The following ARFGEF3 variants were observed in gnomAD, a reference collection of about 807,000 sequenced individuals.
The protein encoded by ARFGEF3 is brefeldin A-inhibited guanine nucleotide-exchange protein 3.
In ARFGEF3, 96 loss-of-function variants were observed where a neutral mutation model predicts 221.7. That is an observed-to-expected ratio of 0.43 (90% CI 0.37 to 0.51). ARFGEF3 has a LOEUF of 0.51. ARFGEF3 is among the 20% of genes least tolerant of loss of function. ARFGEF3 has a pLI of 0.00. For missense variants in ARFGEF3, 2,410 were observed against 2,789.9 expected, an observed-to-expected ratio of 0.86 and a Z score of 3.07; for synonymous variants, 1,145 against 1,126.8, an observed-to-expected ratio of 1.02 and a Z score of -0.32.
intron 2 of ARFGEF3, among the ~76,000 whole-genome samples, chr6:138,191,772 T>C (rs188615731): frequency 6.6e-6 from 1 of 152,336 alleles, no homozygotes; most frequent in Non-Finnish European, 1.5e-5. Context: ...TCAGGTAGTC[T>C]TCTCTACTTC....
intron 4 of ARFGEF3, among the ~76,000 whole-genome samples, chr6:138,224,742 G>T (rs982306049): frequency 6.6e-6 from 1 of 152,178 alleles, no homozygotes; most frequent in Non-Finnish European, 1.5e-5. Context: ...CCAATGGTGT[G>T]TGTGTGTGCG....
chr6:138,278,556 A>G lies in ARFGEF3; in HGVS notation c.2234A>G (p.Asn745Ser), dbSNP rs1255083859. ...GCTGCACACTGCGCCCTGCTCCTCAACCTGAAGCTCTCCCACGGTGACTAC... is the reference window on the plus strand; with the variant it reads ...GCTGCACACTGCGCCCTGCTCCTCAGCCTGAAGCTCTCCCACGGTGACTAC... The part of the protein sequence containing the change: ...YTAAHCALLL[N>S]LKLSHGDYYR... The change falls in exon 13 of 34, where the codon AAC becomes AGC. Residue 745 changes from asparagine to serine, a missense_variant. Asn to Ser is a conservative substitution (Grantham distance 46). Coordinates refer to ENST00000251691, the MANE Select transcript of ARFGEF3 (RefSeq NM_020340.5). 15 of 1,613,818 alleles carry G rather than the reference A, an allele frequency of 9.3e-6. No homozygotes were observed. Among genetic ancestry groups the G allele is most frequent in the Non-Finnish European group, 1.3e-5 (15 of 1,179,860 alleles).
chr6:138,303,737 C>T (rs1164544706), intron 22 of ARFGEF3, among the ~76,000 whole-genome samples: 2 of 151,620 alleles, frequency 1.3e-5, no homozygotes, highest in Non-Finnish European at 2.9e-5. Context: ...AGGACTAGAC[C>T]TGTAGTCCCA....
intron 28 of ARFGEF3, among the ~76,000 whole-genome samples, chr6:138,320,495 G>A (rs1221104571): frequency 2.6e-5 from 4 of 152,228 alleles, no homozygotes; most frequent in Admixed American, 2.6e-4. Context: ...GTGTGAAGAT[G>A]TGGGTGTCCG....
Position 138,334,100 on chromosome 6 carries a change from G to A in ARFGEF3, c.5254G>A (p.Glu1752Lys). 6.2e-7 allele frequency: 1 copy of A among 1,613,978 alleles called. No individual in the cohort carries two copies. The highest frequency in any genetic ancestry group is 1.1e-5 in the South Asian group (1 of 91,086). The change falls in exon 33 of 34, where the codon GAA (glutamate) becomes AAA (lysine). Residue 1752 changes from glutamate (E) to lysine (K), a missense_variant. By Grantham distance (56) the Glu-to-Lys change is moderately conservative (BLOSUM62 1). This residue lies in a region of ARFGEF3 where 723 missense variants were observed against 991.9 expected (regional missense o/e 0.73). Coordinates refer to ENST00000251691, the MANE Select transcript of ARFGEF3 (RefSeq NM_020340.5). This position sits in a 1 kb window ranked among gnomAD's most constrained non-coding sequence, Gnocchi z 5.1. ...PGEEKTIQVP[E>K]AKLAGFLRYI... ...AGAGGAAAAGACGATACAAGTGCCA[G>A]AAGCCAAGCTGGCTGGCTTCCTCAG...
At chr6:138,179,171 A>G (rs1012515827) in intron 2 of ARFGEF3, among the ~76,000 whole-genome samples, 2 of 152,226 alleles carry the variant, frequency 1.3e-5, no homozygotes, top group African/African-American at 4.8e-5. Context: ...CTCCACTCCT[A>G]TCCTGTCCCA....
At chr6:138,234,472 C>T (rs1778248205) in intron 5 of ARFGEF3, among the ~76,000 whole-genome samples, 1 of 146,038 alleles carries the variant, frequency 6.8e-6, no homozygotes, top group South Asian at 2.1e-4. Flanking sequence ...CTTCAGTTCA[C>T]CCCGTGTGTG....
rs368017077 is a variant in ARFGEF3, at chr6:138,263,016, A to G, written c.1533A>G (p.Thr511=). 1.7e-5 allele frequency: 27 copies of G among 1,604,556 alleles called. No individual in the cohort carries two copies. The highest frequency in any genetic ancestry group is 2.0e-5 in the Non-Finnish European group (23 of 1,175,684). The change falls in exon 12 of 34, where the codon ACA becomes ACG. Residue 511 remains threonine, a synonymous_variant. Transcript: ENST00000251691. The part of the protein sequence containing the change: ...LDISISVTTD[T]GQTTLEGELG... ...TCAGCATCAGTGTCACCACAGACAC[A>G]GGCCAGACCACTCTCGAGGGAGAGT...
intron 2 of ARFGEF3, among the ~76,000 whole-genome samples, chr6:138,176,181 ATTT>A (rs3044799): frequency 2.2e-5 from 3 of 136,942 alleles, no homozygotes; most frequent in African/African-American, 2.7e-5. Flanking sequence ...TGGTAGTTGG[ATTT>A]TTTTTTTTTT....
At chr6:138,202,532 G>A (rs116990550) in intron 2 of ARFGEF3, among the ~76,000 whole-genome samples, 1 of 152,112 alleles carries the variant, frequency 6.6e-6, no homozygotes, top group Non-Finnish European at 1.5e-5. Flanking sequence ...GGTCTGAGGG[G>A]ATGAGAGGCC....
At position 138,183,949 on chromosome 6, in the gene ARFGEF3, C is replaced by G. The variant is rs572693813; in HGVS notation, c.137+13236C>G. On this transcript the variant is annotated intron_variant, in intron 2 of 33. Transcript: ENST00000251691. ...GTCTGTCCAGAGGAGGGCATTGCCCCTTTGTATCTCCCCCATATTGGGGCA... is the reference window on the plus strand; with the variant it reads ...GTCTGTCCAGAGGAGGGCATTGCCCGTTTGTATCTCCCCCATATTGGGGCA... Among the ~76,000 whole-genome samples the G allele has an allele frequency of 1.1e-4, 16 of 152,288 alleles. No homozygotes were observed. The South Asian group carries it at 3.3e-3, about 32-fold the overall frequency.
chr6:138,222,035 T>C (rs560627640), intron 4 of ARFGEF3, among the ~76,000 whole-genome samples: 17 of 152,212 alleles, frequency 1.1e-4, no homozygotes, highest in Non-Finnish European at 1.8e-4. Flanking sequence ...CAGCTACTTG[T>C]TGTGACCTCT....
intron 22 of ARFGEF3, among the ~76,000 whole-genome samples, chr6:138,300,749 C>T (rs964453435): frequency 1.2e-4 from 19 of 152,132 alleles, no homozygotes; most frequent in Admixed American, 1.2e-3. Flanking sequence ...GTAACTTCCT[C>T]GCATCTTGAG....
At chr6:138,167,343 A>G (rs1484023292) in intron 1 of ARFGEF3, among the ~76,000 whole-genome samples, 1 of 152,208 alleles carries the variant, frequency 6.6e-6, no homozygotes, top group East Asian at 1.9e-4. Flanking sequence ...GCCCGTGTTT[A>G]TATCACTAGT....
In ARFGEF3 at chr6:138,317,322, C is replaced by G. The variant is rs1779943890; in HGVS notation, c.4417C>G (p.Gln1473Glu). ...TGTGTCCAATTGTCCACGGCAGCAC[C>G]AACCACCAACTCTGGATTTACTCTT... is the stretch of plus-strand genomic sequence containing the variant. ...AAVSNCPRQHQPPTLDLLFEL... is the reference protein window; with the variant it reads ...AAVSNCPRQHEPPTLDLLFEL... Residue 1473 changes from glutamine to glutamate, a missense_variant, in exon 27 of 34, where the codon CAA becomes GAA. Gln to Glu is a conservative substitution (Grantham distance 29). Around this residue, in one of 5 missense-constraint regions of ARFGEF3, gnomAD observed 723 missense variants for 991.9 expected, o/e 0.73. Coordinates refer to ENST00000251691, the MANE Select transcript of ARFGEF3 (RefSeq NM_020340.5). 2 of 1,613,844 alleles carry G rather than the reference C, an allele frequency of 1.2e-6. No individual in the cohort carries two copies. Among genetic ancestry groups the G allele is most frequent in the African/African-American group, 2.7e-5 (2 of 74,912 alleles).
intron 2 of ARFGEF3, among the ~76,000 whole-genome samples, chr6:138,200,724 A>G (rs1456112515): frequency 2.0e-5 from 3 of 152,246 alleles, no homozygotes; most frequent in African/African-American, 7.2e-5. Context: ...TAAAAATTCT[A>G]GAAGATAACA....
At chr6:138,208,745 TTGACCAGAGAATG>T (rs1777667177) in intron 3 of ARFGEF3, among the ~76,000 whole-genome samples, 1 of 152,152 alleles carries the variant, frequency 6.6e-6, no homozygotes, top group Non-Finnish European at 1.5e-5. Context: ...CTAAGCTCAT[TTGACCAGAGAATG>T]TGATCCAAAT....
chr6:138,310,376 A>G (rs1180718262), intron 24 of ARFGEF3, among the ~76,000 whole-genome samples: 1 of 152,242 alleles, frequency 6.6e-6, no homozygotes, highest in East Asian at 1.9e-4. Flanking sequence ...GTTTTTATAA[A>G]TACAGTTTTA....
At chr6:138,286,093 TG>T in intron 15 of ARFGEF3, 40 bp downstream of exon 15, 2 of 1,113,788 alleles carry the variant, frequency 1.8e-6, no homozygotes, top group Non-Finnish European at 2.7e-6. Flanking sequence ...ATCCATACAC[TG>T]CATGTGTTAC....
Sources: gnomAD v4.1 joint callset for allele counts (sites outside exome capture counted in the v4.1 genomes callset) on GRCh38, gnomAD v4.1.1 for gene constraint, gnomAD v4.1.1 regional missense constraint, Gnocchi (gnomAD v3.1) non-coding constraint, MANE v1.5 for transcripts, NCBI Gene and HGNC (gene_info 2026-07-23, HGNC 2026-07-21) for gene names.